The following SUGCT variants were observed in gnomAD, a reference collection of about 807,000 sequenced individuals.
SUGCT encodes the protein succinyl-CoA:glutarate CoA-transferase.
In SUGCT, 41 loss-of-function variants were observed where a neutral mutation model predicts 55.0. The ratio of observed to expected loss-of-function variants is 0.74; its 90% CI spans 0.58 to 0.97. The LOEUF is 0.97. Ranked by LOEUF, SUGCT falls within the 50% of genes least tolerant of loss-of-function variation. SUGCT has a pLI of 0.00. For missense variants in SUGCT, 568 were observed against 547.8 expected (o/e 1.04, Z -0.37); for synonymous variants, 187 against 200.4 (o/e 0.93, Z 0.56).
At chr7:40,646,875 A>G (rs1037858447) in intron 12 of SUGCT, among the ~76,000 whole-genome samples, 1 of 152,178 alleles carries the variant, frequency 6.6e-6, no homozygotes, top group Non-Finnish European at 1.5e-5. Flanking sequence ...TAGTAAGTAC[A>G]GGGCCTCCCA....
intron 12 of SUGCT, among the ~76,000 whole-genome samples, chr7:40,716,742 T>A (rs1363802337): frequency 6.6e-6 from 1 of 152,064 alleles, no homozygotes; most frequent in Non-Finnish European, 1.5e-5. Flanking sequence ...AGCAGCTCAC[T>A]ATGTAAATAC....
chr7:40,217,210 C>A (rs10276687), intron 6 of SUGCT, among the ~76,000 whole-genome samples: 62,411 of 151,598 alleles, frequency 0.41, 13,661 homozygotes, highest in Middle Eastern at 0.57. Flanking sequence ...CAGAATTATT[C>A]TTCTTCTTCT....
At chr7:40,885,340 A>G in the SUGCT span, among the ~76,000 whole-genome samples, 1 of 152,036 alleles carries the variant, frequency 6.6e-6, no homozygotes, top group Non-Finnish European at 1.5e-5. Flanking sequence ...TTTTCCCACC[A>G]CTTCTTCCTT....
At chr7:40,663,082 T>C (rs1485073129) in intron 12 of SUGCT, among the ~76,000 whole-genome samples, 1 of 152,202 alleles carries the variant, frequency 6.6e-6, no homozygotes, top group East Asian at 1.9e-4. Flanking sequence ...TAAATGACAT[T>C]ATTAAAAATG....
chr7:40,760,830 A>G (rs1788491460), intron 13 of SUGCT, among the ~76,000 whole-genome samples: 1 of 152,028 alleles, frequency 6.6e-6, no homozygotes, highest in South Asian at 2.1e-4. Flanking sequence ...CAGCTTTCTT[A>G]TCTGTGACAG....
chr7:40,848,872 C>G (rs929486693), intron 13 of SUGCT, among the ~76,000 whole-genome samples: 14 of 152,134 alleles, frequency 9.2e-5, no homozygotes, highest in Non-Finnish European at 4.4e-5. Flanking sequence ...TATATCACAT[C>G]TAATGGGTTT....
At chr7:40,498,168 T>C (rs1477616071) in intron 12 of SUGCT, among the ~76,000 whole-genome samples, 2 of 152,156 alleles carry the variant, frequency 1.3e-5, no homozygotes, top group Non-Finnish European at 2.9e-5. Context: ...CGTACAAGCT[T>C]TTCATACTAT....
At chr7:40,518,810 CCAAAGTTAGAT>C (rs1301944485) in intron 12 of SUGCT, among the ~76,000 whole-genome samples, 15 of 151,494 alleles carry the variant, frequency 9.9e-5, no homozygotes, top group Admixed American at 1.3e-4. Flanking sequence ...CTCCCAATGG[CCAAAGTTAGAT>C]CAAATTTCAC....
At chr7:40,596,056 G>A (rs1406821168) in intron 12 of SUGCT, among the ~76,000 whole-genome samples, 1 of 152,072 alleles carries the variant, frequency 6.6e-6, no homozygotes, top group East Asian at 1.9e-4. Context: ...GGACATGGCT[G>A]ACATGTTTAT....
intron 12 of SUGCT, among the ~76,000 whole-genome samples, chr7:40,730,167 G>T (rs189101668): frequency 6.6e-6 from 1 of 152,188 alleles, no homozygotes; most frequent in Non-Finnish European, 1.5e-5. Context: ...GAGTGCAATC[G>T]CATGATCTTG....
intron 12 of SUGCT, among the ~76,000 whole-genome samples, chr7:40,725,523 A>G (rs939931114): frequency 3.3e-5 from 5 of 151,574 alleles, no homozygotes; most frequent in African/African-American, 9.7e-5. Context: ...TAGGTGGCCA[A>G]CATAACACAT....
intron 9 of SUGCT, 21 bp downstream of exon 9, chr7:40,316,876 G>C (rs1795462348): frequency 2.2e-6 from 3 of 1,353,168 alleles, no homozygotes; most frequent in Non-Finnish European, 3.0e-6. Context: ...AGCAGTCTAG[G>C]GTTGGGCTGT....
In SUGCT at chr7:40,690,874, G is replaced by T. The variant is rs369063318; in HGVS notation, c.1090-58560G>T. Among the ~76,000 whole-genome samples the T allele has an allele frequency of 2.1e-4, 32 of 152,216 alleles. No individual in the cohort carries two copies. In the South Asian group the frequency reaches 6.6e-3, roughly 32 times the overall value. On this transcript the variant is annotated intron_variant, in intron 12 of 13. Transcript: ENST00000335693. ...ATATAGGCAGGAGCCACCACACCTG[G>T]CCATCCATATAAACATTTGAGCTGA...
intron 9 of SUGCT, among the ~76,000 whole-genome samples, chr7:40,395,607 G>A (rs529788552): frequency 1.5e-4 from 23 of 151,184 alleles, no homozygotes; most frequent in Non-Finnish European, 3.2e-4. Context: ...GCAGATTCAA[G>A]TTTGAGAACT....
intron 1 of SUGCT, among the ~76,000 whole-genome samples, chr7:40,145,502 C>T (rs1436008422): frequency 3.3e-5 from 5 of 151,348 alleles, no homozygotes; most frequent in East Asian, 3.9e-4. Context: ...ATAAATTCTC[C>T]TCCCCACTTT....
At chr7:40,153,991 C>A in intron 1 of SUGCT, 1 of 268,818 alleles carries the variant, frequency 3.7e-6, no homozygotes, top group Non-Finnish European at 7.5e-6. Context: ...ACTCAGGACG[C>A]GAAATGCTTT....
At position 40,188,555 on chromosome 7, in the gene SUGCT, A is replaced by T; in HGVS notation, c.287A>T (p.Tyr96Phe). Reference sequence around the variant, plus strand: ...TTTGTTGGGACAGAAAGTACATATTATCTCAGTGTTAACCGAAATAAAAAA... The same window carrying T: ...TTTGTTGGGACAGAAAGTACATATTTTCTCAGTGTTAACCGAAATAAAAAA... Reference protein sequence around the residue: ...PPFVGTESTYYLSVNRNKKSI... With the variant: ...PPFVGTESTYFLSVNRNKKSI... The change falls in exon 4 of 14, where the codon TAT (tyrosine) becomes TTT (phenylalanine). Residue 96 changes from tyrosine to phenylalanine, a missense_variant. By Grantham distance (22) the Tyr-to-Phe change is conservative. Coordinates refer to ENST00000335693, the MANE Select transcript of SUGCT (RefSeq NM_001193313.2). 6.2e-7 allele frequency: 1 copy of T among 1,607,838 alleles called. No homozygotes were observed. Among genetic ancestry groups the T allele is most frequent in the Non-Finnish European group, 8.5e-7 (1 of 1,178,116 alleles).
intron 12 of SUGCT, among the ~76,000 whole-genome samples, chr7:40,513,475 G>A (rs555210082): frequency 2.6e-5 from 4 of 152,196 alleles, no homozygotes; most frequent in East Asian, 1.9e-4. Context: ...TTAAAGAGGC[G>A]TTCTGTGATA....
At chr7:40,895,669 C>T in the SUGCT span, among the ~76,000 whole-genome samples, 1 of 152,012 alleles carries the variant, frequency 6.6e-6, no homozygotes, top group Non-Finnish European at 1.5e-5. Flanking sequence ...AACCTCAACA[C>T]ATTAGACATA....
Sources: gnomAD v4.1 joint callset for allele counts (sites outside exome capture counted in the v4.1 genomes callset) on GRCh38, gnomAD v4.1.1 for gene constraint, MANE v1.5 for transcripts, NCBI Gene and HGNC (gene_info 2026-07-23, HGNC 2026-07-21) for gene names.